The following TTC6 variants were observed in gnomAD, a reference collection of about 807,000 sequenced individuals.
The protein encoded by TTC6 is tetratricopeptide repeat protein 6.
Under a neutral mutation model 210.4 loss-of-function variants are expected in TTC6, and 172 were observed. That is an observed-to-expected ratio of 0.82 (90% CI 0.72 to 0.93). The LOEUF (loss-of-function observed/expected upper bound fraction) is 0.93. Among genes scored for constraint, TTC6 ranks in the 40% least tolerant of loss-of-function variants. The probability of loss-of-function intolerance (pLI) is 0.00; values close to 1 mark genes in which losing one functional copy is unlikely to be tolerated. For synonymous variants in TTC6, 804 were observed against 819.6 expected (o/e 0.98, Z 0.32); for missense variants, 2,414 against 2,318.1 (o/e 1.04, Z -0.85).
At chr14:37,677,262 G>A (rs945798073) in intron 1 of TTC6, among the ~76,000 whole-genome samples, 5 of 151,374 alleles carry the variant, frequency 3.3e-5, no homozygotes, top group African/African-American at 1.2e-4. Context: ...CAAGTCTTGT[G>A]GTTTTTTGGT....
chr14:37,768,306 A>T (rs1161618041), intron 14 of TTC6, among the ~76,000 whole-genome samples: 1 of 151,178 alleles, frequency 6.6e-6, no homozygotes, highest in Non-Finnish European at 1.5e-5. Context: ...TTCCATATGA[A>T]CTTTAAAGTA....
At chr14:37,713,193 C>G (rs1252117759) in intron 5 of TTC6, among the ~76,000 whole-genome samples, 1 of 152,176 alleles carries the variant, frequency 6.6e-6, no homozygotes, top group African/African-American at 2.4e-5. Context: ...AAAGTCATAA[C>G]TGGAACACTG....
intron 1 of TTC6, among the ~76,000 whole-genome samples, chr14:37,677,868 G>A (rs1389217582): frequency 2.0e-5 from 3 of 151,922 alleles, no homozygotes; most frequent in Non-Finnish European, 4.4e-5. Flanking sequence ...TCTATCTATA[G>A]ATGTCACATT....
chr14:37,622,122 A>C, exon 1 of TTC6: 2 of 1,535,516 alleles, frequency 1.3e-6, no homozygotes, highest in Non-Finnish European at 1.7e-6. Context: ...GTATATGTTT[A>C]AAGAGCTTGA....
chr14:37,825,935 G>T (rs982154428), intron 27 of TTC6, among the ~76,000 whole-genome samples: 1 of 151,742 alleles, frequency 6.6e-6, no homozygotes, highest in Admixed American at 6.6e-5. Flanking sequence ...ATGTTGTCCG[G>T]GATTGGTACA....
chr14:37,727,806 G>C (rs1185472247), intron 7 of TTC6, among the ~76,000 whole-genome samples: 3 of 151,862 alleles, frequency 2.0e-5, no homozygotes, highest in Non-Finnish European at 2.9e-5. Flanking sequence ...TTAAAAACTC[G>C]TTGGAATTAT....
At chr14:37,815,323 A>AT in intron 25 of TTC6, among the ~76,000 whole-genome samples, 1 of 151,946 alleles carries the variant, frequency 6.6e-6, no homozygotes, top group Non-Finnish European at 1.5e-5. Context: ...ATGGAAGATA[A>AT]TTTTTTCAGG....
intron 4 of TTC6, among the ~76,000 whole-genome samples, chr14:37,700,779 A>AT (rs150599302): frequency 0.017 from 2,472 of 144,828 alleles, 56 homozygotes; most frequent in African/African-American, 0.046. Flanking sequence ...AAAAAAGCAG[A>AT]TTTTCATGTC....
chr14:37,621,914 C>T, upstream of TTC6: 5 of 536,196 alleles, frequency 9.3e-6, no homozygotes, highest in South Asian at 6.0e-5. Flanking sequence ...TAATTTTACC[C>T]GCTTGTGCCT....
At chr14:37,767,499 G>C (rs1233815087) in intron 14 of TTC6, among the ~76,000 whole-genome samples, 1 of 152,156 alleles carries the variant, frequency 6.6e-6, no homozygotes, top group African/African-American at 2.4e-5. Context: ...ATTCTAACTG[G>C]TGTGAGATGG....
At chr14:37,786,098 G>C (rs1439400500) in intron 14 of TTC6, among the ~76,000 whole-genome samples, 1 of 152,184 alleles carries the variant, frequency 6.6e-6, no homozygotes, top group Non-Finnish European at 1.5e-5. Flanking sequence ...GTGGCAGTCT[G>C]TCCATTCTCA....
intron 24 of TTC6, among the ~76,000 whole-genome samples, chr14:37,809,475 A>G (rs945035671): frequency 5.9e-5 from 9 of 152,124 alleles, no homozygotes; most frequent in Non-Finnish European, 1.2e-4. Flanking sequence ...AATGGTCTCA[A>G]TCTCCTGACC....
intron 14 of TTC6, among the ~76,000 whole-genome samples, chr14:37,784,073 A>C (rs1349664203): frequency 6.6e-6 from 1 of 152,312 alleles, no homozygotes; most frequent in African/African-American, 2.4e-5. Context: ...TTTTGGAATA[A>C]GTCCGATGTG....
At chr14:37,824,328 A>C (rs1258328428) in intron 27 of TTC6, among the ~76,000 whole-genome samples, 1 of 152,196 alleles carries the variant, frequency 6.6e-6, no homozygotes, top group African/African-American at 2.4e-5. Context: ...CCTAGGCCCC[A>C]CAGGTTTTGT....
Position 37,777,067 on chromosome 14 carries a change from A to G in TTC6, c.3267-10401A>G, listed in dbSNP as rs769189822. 1.4e-3 allele frequency among the ~76,000 whole-genome samples: 217 copies of G among 152,168 alleles called. 1 individual carries two copies. The highest frequency in any genetic ancestry group is 2.4e-3 in the Non-Finnish European group (164 of 68,010). ...TTAGACCTTGGAGAATCTGATGACT[A>G]TGTGTCTTGGGGATGGTCTTTTTAT... On this transcript the variant is annotated intron_variant, in intron 14 of 30. Transcript: ENST00000553443.
intron 1 of TTC6, among the ~76,000 whole-genome samples, chr14:37,643,979 G>T (rs924947316): frequency 2.6e-5 from 4 of 152,150 alleles, no homozygotes; most frequent in African/African-American, 9.7e-5. Context: ...ATGCATGACT[G>T]TTCTGTTGCT....
At chr14:37,792,519 G>T in intron 17 of TTC6, 105 bp downstream of exon 19, 1 of 871,464 alleles carries the variant, frequency 1.1e-6, no homozygotes, top group Non-Finnish European at 1.6e-6. Flanking sequence ...TAATTGTAGG[G>T]GCTAATGCAT....
intron 8 of TTC6, 56 bp from the exon 11 acceptor site, chr14:37,737,604 A>T: frequency 3.1e-6 from 3 of 981,914 alleles, no homozygotes; most frequent in Non-Finnish European, 4.5e-6. Flanking sequence ...TATATATTTT[A>T]GCTTATCAGA....
In TTC6 at chr14:37,717,443, T is replaced by A. The variant is rs941534387; in HGVS notation, c.1713+2647T>A. Among the ~76,000 whole-genome samples the A allele has an allele frequency of 3.3e-5, 5 of 152,182 alleles. No homozygotes were observed. In the South Asian group the frequency reaches 1.0e-3, roughly 31 times the overall value. On this transcript the variant is annotated intron_variant, in intron 6 of 30. Coordinates refer to ENST00000553443, the Ensembl canonical transcript of TTC6. ...AACTCTACACATGCATACATTTGAT[T>A]GTTTAGATGACGTGAAGAAATTCTC...
Sources: gnomAD v4.1 joint callset for allele counts (sites outside exome capture counted in the v4.1 genomes callset) on GRCh38, gnomAD v4.1.1 for gene constraint, MANE v1.5 for transcripts, NCBI Gene and HGNC (gene_info 2026-07-23, HGNC 2026-07-21) for gene names.